Variants in CIDEC observed in about 807,000 individuals in gnomAD.
CIDEC encodes the protein cell death inducing DFFA like effector c.
Under a neutral mutation model 21.9 loss-of-function variants are expected in CIDEC, and 11 were observed. The ratio of observed to expected loss-of-function variants is 0.50; its 90% confidence interval spans 0.32 to 0.83. The LOEUF (loss-of-function observed/expected upper bound fraction) is 0.83. Among genes scored for constraint, CIDEC ranks in the 40% least tolerant of loss-of-function variants. The pLI is 0.04. For missense variants in CIDEC, 302 were observed against 302.3 expected, an observed-to-expected ratio of 1.00 and a Z score of 0.01; for synonymous variants, 127 against 124.9, an observed-to-expected ratio of 1.02 and a Z score of -0.11.
At chr3:9,873,349 C>G (rs868196727) in intron 4 of CIDEC, among the ~76,000 whole-genome samples, 8 of 152,192 alleles carry the variant, frequency 5.3e-5, no homozygotes, top group African/African-American at 1.9e-4. Context: ...CAGTGGCTCA[C>G]GCCTGTAATC....
intron 6 of CIDEC, among the ~76,000 whole-genome samples, chr3:9,868,611 C>T (rs756896075): frequency 1.3e-5 from 2 of 152,146 alleles, no homozygotes; most frequent in South Asian, 2.1e-4. Context: ...GAAGCGGGAG[C>T]GGGTTCTAAC....
chr3:9,867,418 G>A, intron 6 of CIDEC, 122 bp from the exon 7 acceptor site: 1 of 950,834 alleles, frequency 1.1e-6, no homozygotes, highest in Non-Finnish European at 1.6e-6. Flanking sequence ...TCAGGAGTTT[G>A]AGACTAGCAT....
chr3:9,869,996 A>G lies in CIDEC; in HGVS notation c.440T>C (p.Leu147Pro). ...KIDVARVTFD[L>P]YKLNPQDFIG... ...GAAGTCCTGTGGGTTCAGCTTGTAC[A>G]GATCAAACGTTACACGGGCCACATC... The change falls in exon 6 of 7, where the codon CTG becomes CCG. Residue 147 changes from leucine to proline, a missense_variant. Physicochemically the swap from Leu to Pro is moderately conservative, Grantham distance 98. Transcript: ENST00000336832. 1.2e-6 allele frequency: 2 copies of G among 1,614,224 alleles called. No homozygotes were observed. Among genetic ancestry groups the G allele is most frequent in the Non-Finnish European group, 1.7e-6 (2 of 1,180,030 alleles).
At chr3:9,868,813 ATC>A (rs1575446279) in intron 6 of CIDEC, among the ~76,000 whole-genome samples, 1 of 152,148 alleles carries the variant, frequency 6.6e-6, no homozygotes, top group South Asian at 2.1e-4. Flanking sequence ...GTATACATTT[ATC>A]TCTCTTTTTC....
intron 2 of CIDEC, 165 bp downstream of exon 2, chr3:9,878,777 A>T: frequency 6.5e-7 from 1 of 1,535,470 alleles, no homozygotes; most frequent in East Asian, 2.4e-5. Flanking sequence ...AGTCCCACTC[A>T]CTCCATGTTT....
At chr3:9,878,263 C>A in intron 3 of CIDEC, 171 bp downstream of exon 3, 2 of 675,680 alleles carry the variant, frequency 3.0e-6, no homozygotes, top group Non-Finnish European at 2.7e-6. Flanking sequence ...ATTAATATCA[C>A]CCAGGGACTT....
At chr3:9,871,659 T>C (rs1036463890) in intron 4 of CIDEC, among the ~76,000 whole-genome samples, 5 of 152,042 alleles carry the variant, frequency 3.3e-5, no homozygotes, top group African/African-American at 1.2e-4. Flanking sequence ...GACTGAGTTT[T>C]GCTCTTGTTT....
intron 6 of CIDEC, 132 bp from the exon 7 acceptor site, chr3:9,867,428 T>C (rs1323633415): frequency 9.7e-6 from 8 of 824,280 alleles, no homozygotes; most frequent in African/African-American, 1.7e-5. Flanking sequence ...GAGACTAGCA[T>C]GGCCAACATG....
Position 9,869,956 on chromosome 3 carries a change from G to T in CIDEC, c.480C>A (p.Asn160Lys). 1 of 1,614,174 alleles carries T rather than the reference G, an allele frequency of 6.2e-7. No individual in the cohort carries two copies. Among genetic ancestry groups the T allele is most frequent in the East Asian group, 2.2e-5 (1 of 44,886 alleles). Reference protein sequence around the residue: ...LNPQDFIGCLNVKATFYDTYS... With the variant: ...LNPQDFIGCLKVKATFYDTYS... ...ATGTATCATAAAAAGTCGCCTTCACGTTCAGGCAGCCAATGAAGTCCTGTG... is the reference window on the plus strand; with the variant it reads ...ATGTATCATAAAAAGTCGCCTTCACTTTCAGGCAGCCAATGAAGTCCTGTG... Residue 160 changes from asparagine (N) to lysine (K), a missense_variant, in exon 6 of 7, where the codon AAC becomes AAA. Coordinates refer to ENST00000336832, the MANE Select transcript of CIDEC (RefSeq NM_001321142.2).
chr3:9,873,044 ATTTTG>A lies in CIDEC; in HGVS notation c.208-2727_208-2723del, dbSNP rs370536528. On this transcript the variant is annotated intron_variant, in intron 4 of 6. Transcript: ENST00000336832. ...AGTTTTTTTGGTTTTGTTTTTGCTT[ATTTTG>A]TTTTGTTTTGGTTTTGTTTGTTTTG... 2.3e-3 allele frequency among the ~76,000 whole-genome samples: 351 copies of A among 151,060 alleles called. 2 individuals carry two copies. The highest frequency in any genetic ancestry group is 8.1e-3 in the African/African-American group (334 of 41,120).
intron 4 of CIDEC, among the ~76,000 whole-genome samples, chr3:9,874,799 C>G (rs2082398046): frequency 6.6e-6 from 1 of 152,130 alleles, no homozygotes; most frequent in Non-Finnish European, 1.5e-5. Flanking sequence ...GGTGCATTCA[C>G]AGTTCACTGG....
chr3:9,878,778 C>T, intron 2 of CIDEC, 164 bp downstream of exon 2: 1 of 1,536,250 alleles, frequency 6.5e-7, no homozygotes, highest in Non-Finnish European at 8.7e-7. Context: ...GTCCCACTCA[C>T]TCCATGTTTC....
chr3:9,879,335 G>A (rs571176536), intron 1 of CIDEC, among the ~76,000 whole-genome samples: 7 of 151,890 alleles, frequency 4.6e-5, no homozygotes, highest in Non-Finnish European at 1.0e-4. Context: ...GTTTAGTTTC[G>A]TTTTGTTTGG....
At position 9,877,066 on chromosome 3, in the gene CIDEC, C is replaced by A; in HGVS notation, c.207G>T (p.Lys69Asn). ...MAYSLEDLLLKVRDTLMLADK... is the reference protein window; with the variant it reads ...MAYSLEDLLLNVRDTLMLADK... ...CTGTGCAACGCGCAGGTGCTCTCAC[C>A]TTGAGGAGGAGGTCCTCAAGACTGT... Residue 69 changes from lysine (K) to asparagine (N), a missense_variant and splice_region_variant, in exon 4 of 7, where the codon AAG becomes AAT. Physicochemically the swap from Lys to Asn is moderately conservative, Grantham distance 94. Transcript: ENST00000336832. 1 of 1,552,286 alleles carries A rather than the reference C, an allele frequency of 6.4e-7. No individual in the cohort carries two copies. Among genetic ancestry groups the A allele is most frequent in the South Asian group, 1.2e-5 (1 of 84,090 alleles).
intron 6 of CIDEC, 39 bp from the exon 7 acceptor site, chr3:9,867,335 A>C: frequency 1.9e-6 from 3 of 1,611,012 alleles, no homozygotes; most frequent in Non-Finnish European, 2.5e-6. Context: ...AAAACCACGA[A>C]GTAGGTCGGG....
At chr3:9,877,311 G>T in intron 3 of CIDEC, 92 bp from the exon 4 acceptor site, 1 of 1,254,064 alleles carries the variant, frequency 8.0e-7, no homozygotes, top group South Asian at 1.3e-5. Flanking sequence ...CTCCTGACTG[G>T]GCTCATGATC....
chr3:9,869,840 G>C, intron 6 of CIDEC, 42 bp downstream of exon 6: 1 of 1,586,308 alleles, frequency 6.3e-7, no homozygotes, highest in East Asian at 2.2e-5. Context: ...CTCTCCCATT[G>C]CCTGTACCCA....
intron 6 of CIDEC, among the ~76,000 whole-genome samples, chr3:9,869,666 G>A (rs1294813321): frequency 6.6e-6 from 1 of 152,188 alleles, no homozygotes. Flanking sequence ...ATGCATCCAG[G>A]TTCCACCAGG....
chr3:9,867,662 T>C (rs2082291454), intron 6 of CIDEC, among the ~76,000 whole-genome samples: 1 of 150,494 alleles, frequency 6.6e-6, no homozygotes, highest in Non-Finnish European at 1.5e-5. Flanking sequence ...GCTTGGTGGC[T>C]CATGCCTGTA....
Sources: allele counts gnomAD v4.1 joint callset (sites outside exome capture counted in the v4.1 genomes callset), GRCh38; gene constraint gnomAD v4.1.1; transcripts MANE v1.5; gene names NCBI Gene and HGNC (gene_info 2026-07-23, HGNC 2026-07-21).